The following EPHA6 variants were observed in gnomAD, a reference collection of about 807,000 sequenced individuals.
EPHA6 encodes the protein EPH receptor A6.
In EPHA6, 50 loss-of-function variants were observed where a neutral mutation model predicts 112.0. That is an observed-to-expected ratio of 0.45 (90% confidence interval 0.36 to 0.56). EPHA6 has a LOEUF of 0.56. EPHA6 is among the 20% of genes least tolerant of loss of function. EPHA6 has a pLI of 0.00. For missense variants in EPHA6, 1,280 were observed against 1,417.4 expected, an observed-to-expected ratio of 0.90 and a Z score of 1.56; for synonymous variants, 529 against 490.7, an observed-to-expected ratio of 1.08 and a Z score of -1.03.
intron 3 of EPHA6, among the ~76,000 whole-genome samples, chr3:97,060,073 A>T (rs1388585205): frequency 6.6e-6 from 1 of 151,990 alleles, no homozygotes; most frequent in East Asian, 1.9e-4. Context: ...GTGAGCCGAG[A>T]TCACACCATT....
chr3:97,299,817 C>A lies in EPHA6; in HGVS notation c.1606+55530C>A, dbSNP rs529346775. Among the ~76,000 whole-genome samples the A allele has an allele frequency of 3.3e-5, 5 of 152,262 alleles. 1 individual carries two copies. The South Asian group carries it at 1.0e-3, about 32-fold the overall frequency. ...CCAGGATAAAAATTGTAAATTAACT[C>A]TTCTTAGGTTGTGCCTCAGTTGGTA... On this transcript the variant is annotated intron_variant, in intron 5 of 17. Transcript: ENST00000389672.
intron 2 of EPHA6, among the ~76,000 whole-genome samples, chr3:96,932,469 T>G (rs535467892): frequency 6.6e-5 from 10 of 152,366 alleles, no homozygotes; most frequent in African/African-American, 2.4e-4. Flanking sequence ...GAGAACTGGT[T>G]TTCTATTATT....
chr3:96,868,186 G>C (rs1301028024), intron 2 of EPHA6, among the ~76,000 whole-genome samples: 2 of 143,416 alleles, frequency 1.4e-5, no homozygotes, highest in African/African-American at 5.7e-5. Flanking sequence ...GAGAGAGAGA[G>C]AGACAGAGTG....
chr3:96,917,414 A>C (rs2039537826), intron 2 of EPHA6, among the ~76,000 whole-genome samples: 1 of 129,874 alleles, frequency 7.7e-6, no homozygotes, highest in Admixed American at 8.5e-5. Flanking sequence ...GTAAGACTCC[A>C]TCTCAAAAAA....
intron 6 of EPHA6, among the ~76,000 whole-genome samples, chr3:97,427,700 T>A (rs1273939009): frequency 3.3e-5 from 5 of 150,662 alleles, no homozygotes; most frequent in Admixed American, 6.6e-5. Flanking sequence ...AAAAAAAAAA[T>A]GTGGTACATA....
intron 4 of EPHA6, among the ~76,000 whole-genome samples, chr3:97,227,571 G>T (rs2078397736): frequency 6.6e-6 from 1 of 152,150 alleles, no homozygotes; most frequent in African/African-American, 2.4e-5. Context: ...CATCCTGCAG[G>T]CTGGGAAATA....
intron 5 of EPHA6, among the ~76,000 whole-genome samples, chr3:97,248,841 G>A (rs2108592144): frequency 6.6e-6 from 1 of 152,152 alleles, no homozygotes; most frequent in Admixed American, 6.5e-5. Context: ...ACAGTTCACT[G>A]GATTTTAGAA....
At chr3:97,617,317 A>T (rs1418616602) in intron 13 of EPHA6, among the ~76,000 whole-genome samples, 1 of 152,198 alleles carries the variant, frequency 6.6e-6, no homozygotes, top group Non-Finnish European at 1.5e-5. Flanking sequence ...AGCCACAACA[A>T]AAAACACAAT....
At chr3:97,342,291 C>T (rs1299024061) in intron 5 of EPHA6, among the ~76,000 whole-genome samples, 1 of 152,080 alleles carries the variant, frequency 6.6e-6, no homozygotes, top group Non-Finnish European at 1.5e-5. Context: ...CAGTAAAGTT[C>T]ACCCTTTTAA....
At chr3:96,822,623 T>G (rs1016438370) in intron 1 of EPHA6, among the ~76,000 whole-genome samples, 1 of 151,576 alleles carries the variant, frequency 6.6e-6, no homozygotes, top group African/African-American at 2.4e-5. Context: ...TAATTTATTA[T>G]TTTACTCTTG....
chr3:97,747,711 G>C, intron 17 of EPHA6, 139 bp downstream of exon 17: 1 of 640,830 alleles, frequency 1.6e-6, no homozygotes. Flanking sequence ...TATCATTCTA[G>C]TGGAAGTTGG....
At chr3:97,596,667 T>C (rs2093593527) in intron 12 of EPHA6, among the ~76,000 whole-genome samples, 1 of 151,110 alleles carries the variant, frequency 6.6e-6, no homozygotes, top group South Asian at 2.1e-4. Context: ...GCAAATCATA[T>C]CTTAAGGTTG....
chr3:97,336,017 A>C (rs1451436225), intron 5 of EPHA6, among the ~76,000 whole-genome samples: 1 of 152,176 alleles, frequency 6.6e-6, no homozygotes, highest in Non-Finnish European at 1.5e-5. Flanking sequence ...AAAGTCTGCA[A>C]AATATCTCAA....
At chr3:97,208,248 T>A (rs2077767121) in intron 3 of EPHA6, among the ~76,000 whole-genome samples, 1 of 152,194 alleles carries the variant, frequency 6.6e-6, no homozygotes, top group African/African-American at 2.4e-5. Context: ...TTTTCTTCAA[T>A]TCAATATTTA....
chr3:97,744,696 C>T (rs2035639649), intron 16 of EPHA6, among the ~76,000 whole-genome samples: 4 of 152,010 alleles, frequency 2.6e-5, no homozygotes, highest in Non-Finnish European at 4.4e-5. Context: ...CCTTCCATGA[C>T]CTTTTATACT....
intron 11 of EPHA6, among the ~76,000 whole-genome samples, chr3:97,553,474 C>CA: frequency 6.6e-6 from 1 of 152,182 alleles, no homozygotes; most frequent in East Asian, 1.9e-4. Context: ...GGGGAGGGCT[C>CA]AGGAAACTTA....
intron 1 of EPHA6, among the ~76,000 whole-genome samples, chr3:96,859,902 T>C (rs2035911952): frequency 6.6e-6 from 1 of 152,126 alleles, no homozygotes; most frequent in Non-Finnish European, 1.5e-5. Flanking sequence ...CTGCAGTCAT[T>C]TTTTGTCTGC....
intron 5 of EPHA6, among the ~76,000 whole-genome samples, chr3:97,373,435 A>C (rs1408881563): frequency 6.6e-6 from 1 of 151,690 alleles, no homozygotes; most frequent in African/African-American, 2.4e-5. Context: ...GTGGTTGAAA[A>C]TGTCTAAGTT....
In EPHA6 at chr3:96,826,470, G is replaced by A. The variant is rs182433204; in HGVS notation, c.385+11462G>A. Among the ~76,000 whole-genome samples the A allele has an allele frequency of 7.1e-3, 1,084 of 152,046 alleles. 15 individuals are homozygous for A. Among genetic ancestry groups the A allele is most frequent in the African/African-American group, 0.025 (1,017 of 41,498 alleles). ...GGGAAAACCACCAGTTTCCTCTTTA[G>A]TATATTAGTAAATGATTTATTTACT... On this transcript the variant is annotated intron_variant, in intron 1 of 17. Transcript: ENST00000389672.
Sources: allele counts gnomAD v4.1 joint callset (sites outside exome capture counted in the v4.1 genomes callset), GRCh38; gene constraint gnomAD v4.1.1; transcripts MANE v1.5; gene names NCBI Gene and HGNC (gene_info 2026-07-23, HGNC 2026-07-21).